GFRA2: variants seen among roughly 807,000 people sequenced by gnomAD.
The protein encoded by GFRA2 is GDNF family receptor alpha-2.
A neutral mutation model predicts 48.3 loss-of-function variants in GFRA2; 17 were observed. The ratio of observed to expected loss-of-function variants is 0.35; its 90% CI spans 0.24 to 0.53. The LOEUF (loss-of-function observed/expected upper bound fraction) is 0.53. Among genes scored for constraint, GFRA2 ranks in the 20% least tolerant of loss-of-function variants. The pLI is 0.93. For missense variants in GFRA2, 660 were observed against 637.3 expected (o/e 1.04, Z -0.38); for synonymous variants, 305 against 257.2 (o/e 1.19, Z -1.78).
intron 2 of GFRA2, among the ~76,000 whole-genome samples, chr8:21,795,112 G>A (rs1730598965): frequency 6.6e-6 from 1 of 152,210 alleles, no homozygotes; most frequent in South Asian, 2.1e-4. Flanking sequence ...GCCCATTAGA[G>A]AGGGAGGAAC....
chr8:21,714,415 A>AT (rs1276553819), intron 4 of GFRA2, among the ~76,000 whole-genome samples: 3 of 151,272 alleles, frequency 2.0e-5, no homozygotes, highest in Admixed American at 6.6e-5. Context: ...TGCCTGGCTA[A>AT]TTTTTTTTGT....
chr8:21,728,981 G>C (rs1326116002), intron 4 of GFRA2, among the ~76,000 whole-genome samples: 2 of 152,222 alleles, frequency 1.3e-5, no homozygotes, highest in Non-Finnish European at 2.9e-5. Context: ...ATTTAGGCCT[G>C]TGCCCGAGTG....
At chr8:21,780,348 T>G (rs1281781034) in intron 2 of GFRA2, among the ~76,000 whole-genome samples, 4 of 152,160 alleles carry the variant, frequency 2.6e-5, no homozygotes, top group Non-Finnish European at 4.4e-5. Flanking sequence ...CTAAGGCATC[T>G]GACCCTGTTG....
intron 4 of GFRA2, among the ~76,000 whole-genome samples, chr8:21,749,531 T>G (rs534948530): frequency 6.6e-6 from 1 of 151,624 alleles, no homozygotes; most frequent in Non-Finnish European, 1.5e-5. Flanking sequence ...CTCACTCATA[T>G]GATCATTGAG....
chr8:21,752,314 C>T lies in GFRA2; in HGVS notation c.440-1372G>A, dbSNP rs372420762. Among the ~76,000 whole-genome samples, 22 of 152,252 alleles carry T rather than the reference C, an allele frequency of 1.4e-4. 1 individual carries two copies. Among genetic ancestry groups the T allele is most frequent in the South Asian group, 1.0e-3 (5 of 4,818 alleles). On this transcript the variant is annotated intron_variant, in intron 3 of 8. Transcript: ENST00000524240. ...TGCTCTCCTCCCATTCTCTCTTAGA[C>T]CTGCTTCAGCCTGGTGTTTGGCCCC...
intron 5 of GFRA2, among the ~76,000 whole-genome samples, chr8:21,705,623 C>T (rs553362962): frequency 1.3e-5 from 2 of 152,322 alleles, no homozygotes; most frequent in East Asian, 1.9e-4. Context: ...TAAGACAGTC[C>T]GTGTAAACTG....
chr8:21,693,095 T>C lies in GFRA2; in HGVS notation c.*183A>G. ...AGCTCTCAGGCTGCCTGCCTGCTTG[T>C]CTGTTTGGTTTACAAAAACTTCTCC... On this transcript the variant is annotated 3_prime_UTR_variant, in exon 9 of 9. Coordinates refer to ENST00000524240, the MANE Select transcript of GFRA2 (RefSeq NM_001495.5). The C allele has an allele frequency of 2.1e-6, 1 of 482,776 alleles. No individual in the cohort carries two copies. Among genetic ancestry groups the C allele is most frequent in the Non-Finnish European group, 3.5e-6 (1 of 288,304 alleles). 29.9% of individuals were successfully genotyped at this position (482,776 alleles called of 1,614,324 possible).
chr8:21,722,979 CA>C (rs1236032447), intron 4 of GFRA2, among the ~76,000 whole-genome samples: 2 of 152,172 alleles, frequency 1.3e-5, no homozygotes, highest in Non-Finnish European at 2.9e-5. Context: ...CACAGCAGAC[CA>C]CTCAGGCCAG....
intron 4 of GFRA2, among the ~76,000 whole-genome samples, chr8:21,727,556 G>T (rs1413966796): frequency 6.6e-6 from 1 of 152,186 alleles, no homozygotes; most frequent in African/African-American, 2.4e-5. Flanking sequence ...CAGGAGACAG[G>T]CTGGATGACC....
chr8:21,809,370 G>A (rs962834841), intron 1 of GFRA2, among the ~76,000 whole-genome samples: 3 of 152,202 alleles, frequency 2.0e-5, no homozygotes, highest in Non-Finnish European at 2.9e-5. Context: ...AGTCGCCCAG[G>A]CTGGAGTGCA....
intron 3 of GFRA2, among the ~76,000 whole-genome samples, chr8:21,760,315 C>A (rs1234067377): frequency 6.6e-6 from 1 of 152,166 alleles, no homozygotes; most frequent in African/African-American, 2.4e-5. Context: ...GAAAAGGAGA[C>A]CAGTCACAGG....
chr8:21,743,047 C>A (rs1217705864), intron 4 of GFRA2, among the ~76,000 whole-genome samples: 7 of 152,208 alleles, frequency 4.6e-5, no homozygotes, highest in Non-Finnish European at 8.8e-5. Context: ...AAGTAATATC[C>A]AGTATTCCAG....
intron 2 of GFRA2, among the ~76,000 whole-genome samples, chr8:21,803,165 G>C (rs1481151762): frequency 6.6e-6 from 1 of 152,212 alleles, no homozygotes; most frequent in Non-Finnish European, 1.5e-5. Flanking sequence ...CAGGGATCCA[G>C]GCTGACTCGT....
chr8:21,738,294 C>A (rs1804582653), intron 4 of GFRA2, among the ~76,000 whole-genome samples: 1 of 149,680 alleles, frequency 6.7e-6, no homozygotes, highest in Non-Finnish European at 1.5e-5. Context: ...CAGACCTTAG[C>A]ACCATCCCAA....
intron 1 of GFRA2, among the ~76,000 whole-genome samples, chr8:21,783,489 TCAC>T (rs1807115037): frequency 6.6e-6 from 1 of 152,068 alleles, no homozygotes; most frequent in Admixed American, 6.5e-5. Flanking sequence ...CAACTCAAGG[TCAC>T]ACATAGCGGT....
At chr8:21,706,403 A>G (rs1802751110) in intron 4 of GFRA2, 1 of 470,872 alleles carries the variant, frequency 2.1e-6, no homozygotes, top group Non-Finnish European at 4.2e-6. Flanking sequence ...AGCTGGGTCC[A>G]CCTTCTGAGA....
chr8:21,782,023 G>A (rs1186668201), intron 2 of GFRA2, among the ~76,000 whole-genome samples: 5 of 152,178 alleles, frequency 3.3e-5, no homozygotes, highest in African/African-American at 1.2e-4. Flanking sequence ...CTGGAAGCAG[G>A]GAGGCAGGAG....
intron 7 of GFRA2, among the ~76,000 whole-genome samples, chr8:21,697,014 G>GGAC (rs1802218243): frequency 9.0e-6 from 1 of 110,682 alleles, no homozygotes; most frequent in African/African-American, 3.4e-5. Context: ...GGGACAGAGG[G>GGAC]AGAGATGAAG....
intron 7 of GFRA2, among the ~76,000 whole-genome samples, chr8:21,695,864 G>C (rs1346119895): frequency 6.6e-6 from 1 of 152,108 alleles, no homozygotes; most frequent in Non-Finnish European, 1.5e-5. Flanking sequence ...GTCCCTACTT[G>C]TGACATCCTA....
Sources: gnomAD v4.1 joint callset for allele counts (sites outside exome capture counted in the v4.1 genomes callset) on GRCh38, gnomAD v4.1.1 for gene constraint, MANE v1.5 for transcripts, NCBI Gene and HGNC (gene_info 2026-07-23, HGNC 2026-07-21) for gene names.